HMHB1: variants seen among roughly 807,000 people sequenced by gnomAD.
The protein encoded by HMHB1 is histocompatibility minor HB-1.
A neutral mutation model predicts 2.4 loss-of-function variants in HMHB1; 4 were observed. The ratio of observed to expected loss-of-function variants is 1.65; its 90% CI spans 0.81 to 3.77. The LOEUF is 3.77. Among genes scored for constraint, HMHB1 ranks in the 30% most tolerant of loss-of-function variants. The pLI is 0.01. For missense variants in HMHB1, 57 were observed against 44.2 expected, an observed-to-expected ratio of 1.29 and a Z score of -0.82; for synonymous variants, 22 against 17.6, an observed-to-expected ratio of 1.25 and a Z score of -0.63.
intron 1 of HMHB1, among the ~76,000 whole-genome samples, 162 bp from the exon 2 acceptor site, chr5:143,820,318 T>TTAA (rs1224094703): frequency 4.2e-5 from 2 of 47,576 alleles, no homozygotes; most frequent in Admixed American, 2.9e-4. Context: ...TCATCATAAG[T>TTAA]AAAAAAAAAA....
chr5:143,818,386 T>C (rs1021184900), intron 1 of HMHB1, among the ~76,000 whole-genome samples: 39 of 152,172 alleles, frequency 2.6e-4, no homozygotes, highest in Admixed American at 2.6e-3. Context: ...CTACTCAAAG[T>C]ACTGGATAAA....
At chr5:143,816,162 C>T (rs1163937885) in intron 1 of HMHB1, among the ~76,000 whole-genome samples, 1 of 152,176 alleles carries the variant, frequency 6.6e-6, no homozygotes, top group Non-Finnish European at 1.5e-5. Flanking sequence ...ACATGAGCAT[C>T]TTGGGGGAGA....
chr5:143,814,273 C>T (rs971760801), intron 1 of HMHB1, among the ~76,000 whole-genome samples: 1 of 152,044 alleles, frequency 6.6e-6, no homozygotes, highest in Non-Finnish European at 1.5e-5. Context: ...TTTTTCCTTG[C>T]AAAATAACAA....
chr5:143,815,986 G>A (rs62376095), intron 1 of HMHB1, among the ~76,000 whole-genome samples: 30,501 of 150,880 alleles, frequency 0.2, 3,426 homozygotes, highest in East Asian at 0.4. Flanking sequence ...GATTACAGGC[G>A]TGAGCCGCTG....
chr5:143,815,589 G>A (rs1294883967), intron 1 of HMHB1, among the ~76,000 whole-genome samples: 4 of 150,304 alleles, frequency 2.7e-5, no homozygotes, highest in Admixed American at 6.6e-5. Context: ...GTGCAGTGGC[G>A]CAATCTTGGC....
At position 143,812,230 on chromosome 5, in the gene HMHB1, C is replaced by G. The variant is rs1270208590; in HGVS notation, c.-38C>G. On this transcript the variant is annotated 5_prime_UTR_variant, in exon 1 of 2. Transcript: ENST00000289448. ...CCGGGCAGGCCCTGAGCCTTCTGAC[C>G]TCACATCCTCTGCCACACCACAGTG... 1 of 1,550,558 alleles carries G rather than the reference C, an allele frequency of 6.4e-7. No homozygotes were observed. Among genetic ancestry groups the G allele is most frequent in the Admixed American group, 2.0e-5 (1 of 50,958 alleles).
chr5:143,815,324 G>T (rs997492824), intron 1 of HMHB1, among the ~76,000 whole-genome samples: 11 of 152,160 alleles, frequency 7.2e-5, no homozygotes, highest in African/African-American at 2.7e-4. Flanking sequence ...TTTAGCTGAA[G>T]GCTCTTAGGG....
chr5:143,818,104 A>G (rs1272666583), intron 1 of HMHB1, among the ~76,000 whole-genome samples: 1 of 152,232 alleles, frequency 6.6e-6, no homozygotes, highest in African/African-American at 2.4e-5. Context: ...TCAAGGTAGG[A>G]CACATTAGTC....
At chr5:143,815,519 AT>A (rs1759736971) in intron 1 of HMHB1, among the ~76,000 whole-genome samples, 1 of 143,066 alleles carries the variant, frequency 7.0e-6, no homozygotes, top group Non-Finnish European at 1.5e-5. Flanking sequence ...TTTTCCTTGT[AT>A]TTTTTTCTTT....
chr5:143,819,533 G>A (rs1031833461), intron 1 of HMHB1, among the ~76,000 whole-genome samples: 6 of 151,874 alleles, frequency 4.0e-5, no homozygotes, highest in African/African-American at 1.5e-4. Flanking sequence ...TACTCGGGAG[G>A]CTGAGGCAGG....
intron 1 of HMHB1, among the ~76,000 whole-genome samples, chr5:143,814,334 TTTTA>T (rs1447658489): frequency 3.3e-5 from 5 of 152,234 alleles, no homozygotes; most frequent in African/African-American, 1.2e-4. Flanking sequence ...TATAAAATAC[TTTTA>T]TTTGTTATTC....
intron 1 of HMHB1, among the ~76,000 whole-genome samples, chr5:143,816,828 A>G (rs1276016403): frequency 6.6e-6 from 1 of 152,222 alleles, no homozygotes; most frequent in Non-Finnish European, 1.5e-5. Flanking sequence ...CCAGCAGTGT[A>G]AAAGTGTTCC....
intron 1 of HMHB1, among the ~76,000 whole-genome samples, chr5:143,817,027 CT>C (rs1759756743): frequency 6.6e-6 from 1 of 152,106 alleles, no homozygotes; most frequent in Admixed American, 6.6e-5. Flanking sequence ...TATTCATGTC[CT>C]TAGCCCACTT....
At chr5:143,816,955 T>G (rs773914576) in intron 1 of HMHB1, among the ~76,000 whole-genome samples, 27 of 152,242 alleles carry the variant, frequency 1.8e-4, no homozygotes, top group Non-Finnish European at 3.5e-4. Context: ...TGATCATTAG[T>G]GATGCTCAGT....
chr5:143,812,492 AG>A (rs554064329), intron 1 of HMHB1, among the ~76,000 whole-genome samples, 188 bp downstream of exon 1: 56 of 152,248 alleles, frequency 3.7e-4, no homozygotes, highest in African/African-American at 1.3e-3. Flanking sequence ...GATAGTTTCC[AG>A]TTGAGGTTCG....
At chr5:143,820,374 C>T in intron 1 of HMHB1, 106 bp from the exon 2 acceptor site, 2 of 216,990 alleles carry the variant, frequency 9.2e-6, no homozygotes, top group Non-Finnish European at 1.8e-5. Flanking sequence ...AACTAAAAAG[C>T]TAACACAAGT....
At chr5:143,819,567 G>A (rs1230113512) in intron 1 of HMHB1, among the ~76,000 whole-genome samples, 2 of 151,114 alleles carry the variant, frequency 1.3e-5, no homozygotes, top group African/African-American at 4.9e-5. Context: ...CTCGGGGGGC[G>A]GAGGTTGCAA....
chr5:143,818,129 T>G (rs1759769265), intron 1 of HMHB1, among the ~76,000 whole-genome samples: 1 of 152,230 alleles, frequency 6.6e-6, no homozygotes, highest in Admixed American at 6.5e-5. Context: ...GTGGCAAATA[T>G]TCATGCAATT....
Position 143,812,181 on chromosome 5 carries a change from G to C in HMHB1, c.-87G>C. On this transcript the variant is annotated 5_prime_UTR_variant, in exon 1 of 2. Coordinates refer to ENST00000289448, the MANE Select transcript of HMHB1 (RefSeq NM_021182.3). ...GGAAACCACATCCCAGGAGGCCGAG[G>C]CGGCTTGCCCCGCATCTCAGAAGCC... The C allele has an allele frequency of 8.0e-7, 1 of 1,251,972 alleles. No homozygotes were observed. The highest frequency in any genetic ancestry group is 1.3e-5 in the South Asian group (1 of 75,496). The allele number at this position is 1,251,972 out of a possible 1,614,324, so 77.6% of individuals were successfully genotyped here. A position where few individuals can be genotyped will look rare whatever the true frequency, so the allele number is the denominator to read the frequency against.
Sources: gnomAD v4.1 joint callset for allele counts (sites outside exome capture counted in the v4.1 genomes callset) on GRCh38, gnomAD v4.1.1 for gene constraint, MANE v1.5 for transcripts, NCBI Gene and HGNC (gene_info 2026-07-23, HGNC 2026-07-21) for gene names.